Variants in IFT80 observed in about 807,000 individuals in gnomAD.
The protein encoded by IFT80 is intraflagellar transport protein 80 homolog.
Under a neutral mutation model 107.9 loss-of-function variants are expected in IFT80, and 79 were observed. The observed-to-expected ratio is 0.73, with a 90% CI of 0.61 to 0.88. The LOEUF is 0.88. IFT80 is among the 40% of genes least tolerant of loss of function. The pLI, the probability that IFT80 is intolerant of heterozygous loss-of-function variation, is 0.00. For synonymous variants in IFT80, 299 were observed against 300.9 expected (o/e 0.99, Z 0.07); for missense variants, 797 against 914.2 (o/e 0.87, Z 1.65).
At chr3:160,340,786 C>T (rs1719839296) in intron 8 of IFT80, among the ~76,000 whole-genome samples, 1 of 152,150 alleles carries the variant, frequency 6.6e-6, no homozygotes, top group South Asian at 2.1e-4. Flanking sequence ...ATCTGAAGGT[C>T]CCTACCCTTA....
At chr3:160,314,413 T>C (rs1717637891) in intron 9 of IFT80, among the ~76,000 whole-genome samples, 1 of 152,160 alleles carries the variant, frequency 6.6e-6, no homozygotes, top group Admixed American at 6.5e-5. Context: ...ACTGGGCTGC[T>C]TCCTGGAGGC....
At chr3:160,378,765 T>C (rs1712238054) in intron 3 of IFT80, among the ~76,000 whole-genome samples, 1 of 151,762 alleles carries the variant, frequency 6.6e-6, no homozygotes, top group African/African-American at 2.4e-5. Context: ...AAAATGAGAA[T>C]CTACAAGTCT....
chr3:160,367,589 A>G (rs948379526), intron 5 of IFT80, among the ~76,000 whole-genome samples: 1 of 152,212 alleles, frequency 6.6e-6, no homozygotes, highest in Non-Finnish European at 1.5e-5. Flanking sequence ...TTAGCCCAAA[A>G]GCTTGGCTAA....
intron 8 of IFT80, among the ~76,000 whole-genome samples, chr3:160,351,693 C>T (rs545044833): frequency 3.1e-4 from 47 of 149,280 alleles, no homozygotes; most frequent in Middle Eastern, 3.4e-3. Context: ...TTAAGTAACT[C>T]ATAAAAATCT....
At chr3:160,329,954 C>A (rs1718971931) in intron 8 of IFT80, among the ~76,000 whole-genome samples, 1 of 152,138 alleles carries the variant, frequency 6.6e-6, no homozygotes, top group Non-Finnish European at 1.5e-5. Context: ...TGACCAGACT[C>A]TCACTTTAAG....
chr3:160,302,300 A>C (rs1441145818), intron 11 of IFT80, among the ~76,000 whole-genome samples: 1 of 152,072 alleles, frequency 6.6e-6, no homozygotes, highest in African/African-American at 2.4e-5. Flanking sequence ...CACTTCAATT[A>C]AATTAATACT....
intron 1 of IFT80, among the ~76,000 whole-genome samples, chr3:160,395,474 T>C (rs1713703353): frequency 6.6e-6 from 1 of 152,248 alleles, no homozygotes; most frequent in Non-Finnish European, 1.5e-5. Flanking sequence ...AACCACTTCC[T>C]CACTGTTAGC....
At chr3:160,354,334 C>G (rs1720913491) in intron 8 of IFT80, among the ~76,000 whole-genome samples, 1 of 152,050 alleles carries the variant, frequency 6.6e-6, no homozygotes, top group African/African-American at 2.4e-5. Context: ...GGAAGTCAAA[C>G]TTGAGACAGG....
At chr3:160,370,703 A>G (rs1486657214) in intron 5 of IFT80, among the ~76,000 whole-genome samples, 1 of 152,080 alleles carries the variant, frequency 6.6e-6, no homozygotes, top group Non-Finnish European at 1.5e-5. Context: ...TTTCTACTTG[A>G]TCCAAAGAGA....
Position 160,319,767 on chromosome 3 carries a change from G to C in IFT80, c.950C>G (p.Ala317Gly). The C allele has an allele frequency of 6.2e-7, 1 of 1,612,328 alleles. No individual in the cohort carries two copies. The highest frequency in any genetic ancestry group is 8.5e-7 in the Non-Finnish European group (1 of 1,178,788). Residue 317 changes from alanine to glycine, a missense_variant, in exon 9 of 20, where the codon GCC becomes GGC. Coordinates refer to ENST00000326448, the MANE Select transcript of IFT80 (RefSeq NM_020800.3). ...CTTGGAACATAATAATACCTGCATG[G>C]CTCTTCTTTTCGTTAATGTTACTTG... ...NFQVTLTKRR[A>G]MQVRNVLNDA...
At chr3:160,266,619 A>G (rs1204116915) in intron 19 of IFT80, among the ~76,000 whole-genome samples, 1 of 152,130 alleles carries the variant, frequency 6.6e-6, no homozygotes, top group African/African-American at 2.4e-5. Flanking sequence ...CCTGGACTCA[A>G]GTGATCCTCC....
intron 6 of IFT80, among the ~76,000 whole-genome samples, chr3:160,362,404 G>T (rs1208185177): frequency 2.6e-5 from 4 of 152,168 alleles, no homozygotes; most frequent in Non-Finnish European, 5.9e-5. Flanking sequence ...AAAAGTCCAG[G>T]ACCAGACAGA....
rs759221935 is a variant in IFT80 at position 160,389,729 on chromosome 3, A to ATTG, written c.-46-5086_-46-5084dup. 1.3e-5 allele frequency among the ~76,000 whole-genome samples: 2 copies of ATTG among 152,022 alleles called. 1 individual carries two copies. Among genetic ancestry groups the ATTG allele is most frequent in the Non-Finnish European group, 2.9e-5 (2 of 68,006 alleles). ...CCACATTTTCTTAATCCAGTCTATC[A>ATTG]TTGTTGGACATTTGGGTTGGTTCCA... On this transcript the variant is annotated intron_variant, in intron 1 of 19. Transcript: ENST00000326448.
Position 160,258,479 on chromosome 3 carries a change from A to G in IFT80, c.*46T>C. 6.2e-7 allele frequency: 1 copy of G among 1,611,944 alleles called. No individual in the cohort carries two copies. Among genetic ancestry groups the G allele is most frequent in the Non-Finnish European group, 8.5e-7 (1 of 1,179,370 alleles). On this transcript the variant is annotated 3_prime_UTR_variant, in exon 20 of 20. Transcript: ENST00000326448. ...AAAACATGCTTACCCTTGGTTAATC[A>G]GAACGTGTTTCAAAAGATAAAATTT... is the stretch of plus-strand genomic sequence containing the variant.
At chr3:160,261,852 G>A (rs545869931) in intron 19 of IFT80, among the ~76,000 whole-genome samples, 2 of 151,484 alleles carry the variant, frequency 1.3e-5, no homozygotes, top group African/African-American at 4.8e-5. Flanking sequence ...AGACCCATGT[G>A]TATATCTGGA....
chr3:160,371,731 T>C (rs751349967), intron 5 of IFT80, among the ~76,000 whole-genome samples: 2 of 152,340 alleles, frequency 1.3e-5, no homozygotes, highest in Non-Finnish European at 2.9e-5. Context: ...CATGAGCCAC[T>C]GTGCCCAGCC....
At chr3:160,285,903 T>C (rs917528850) in intron 12 of IFT80, 35 bp from the exon 13 acceptor site, 12 of 1,462,798 alleles carry the variant, frequency 8.2e-6, no homozygotes, top group Non-Finnish European at 1.1e-5. Context: ...TAATGTGTTA[T>C]ATTAGAATTT....
intron 8 of IFT80, among the ~76,000 whole-genome samples, chr3:160,343,192 A>T (rs1720042933): frequency 6.6e-6 from 1 of 152,234 alleles, no homozygotes; most frequent in Admixed American, 6.5e-5. Flanking sequence ...ACTGATGTTT[A>T]GGACCATTTA....
intron 11 of IFT80, among the ~76,000 whole-genome samples, chr3:160,303,525 A>T (rs1437213736): frequency 6.6e-6 from 1 of 152,178 alleles, no homozygotes; most frequent in Non-Finnish European, 1.5e-5. Context: ...ATGAGGTAAA[A>T]ACTCTTTAAT....
Sources: gnomAD v4.1 joint callset for allele counts (sites outside exome capture counted in the v4.1 genomes callset) on GRCh38, gnomAD v4.1.1 for gene constraint, MANE v1.5 for transcripts, NCBI Gene and HGNC (gene_info 2026-07-23, HGNC 2026-07-21) for gene names.